Variants in FSTL5 observed in about 807,000 individuals in gnomAD.
FSTL5 encodes follistatin-related protein 5.
Under a neutral mutation model 89.1 loss-of-function variants are expected in FSTL5, and 62 were observed. The ratio of observed to expected loss-of-function variants is 0.70; its 90% CI spans 0.57 to 0.86. The LOEUF is 0.86. Ranked by LOEUF, FSTL5 falls within the 40% of genes least tolerant of loss-of-function variation. FSTL5 has a pLI of 0.00. For missense variants in FSTL5, 1,057 were observed against 1,001.6 expected (o/e 1.06, Z -0.75); for synonymous variants, 383 against 346.2 (o/e 1.11, Z -1.18).
chr4:161,459,527 A>G (rs1281303976), intron 13 of FSTL5, among the ~76,000 whole-genome samples: 1 of 152,032 alleles, frequency 6.6e-6, no homozygotes, highest in Non-Finnish European at 1.5e-5. Context: ...ATCTTTCTAA[A>G]TTTTTTATCA....
At chr4:161,522,391 G>A (rs1384635599) in intron 10 of FSTL5, among the ~76,000 whole-genome samples, 5 of 152,016 alleles carry the variant, frequency 3.3e-5, no homozygotes, top group African/African-American at 9.7e-5. Flanking sequence ...TTTAATTACT[G>A]CTCATTCTTG....
intron 7 of FSTL5, among the ~76,000 whole-genome samples, chr4:161,636,794 A>T (rs1340645598): frequency 2.1e-5 from 3 of 141,438 alleles, no homozygotes; most frequent in Non-Finnish European, 4.5e-5. Context: ...ACATGAACTC[A>T]TCATTTTTTA....
At chr4:161,855,808 C>T (rs868047130) in intron 4 of FSTL5, among the ~76,000 whole-genome samples, 30 of 152,192 alleles carry the variant, frequency 2.0e-4, no homozygotes, top group Middle Eastern at 3.4e-3. Flanking sequence ...AAATTAAATG[C>T]AATCCCAGTT....
intron 4 of FSTL5, among the ~76,000 whole-genome samples, chr4:161,882,499 T>C (rs1409301154): frequency 6.6e-6 from 1 of 152,120 alleles, no homozygotes; most frequent in Non-Finnish European, 1.5e-5. Context: ...TTCTTATCTG[T>C]TTGTTATTTT....
intron 15 of FSTL5, among the ~76,000 whole-genome samples, chr4:161,429,106 G>T (rs542177955): frequency 6.6e-6 from 1 of 152,174 alleles, no homozygotes; most frequent in Non-Finnish European, 1.5e-5. Flanking sequence ...GGGCAGTGGG[G>T]ACCACAAGGA....
intron 4 of FSTL5, among the ~76,000 whole-genome samples, chr4:161,791,834 G>C (rs1401038399): frequency 6.6e-6 from 1 of 152,218 alleles, no homozygotes; most frequent in East Asian, 1.9e-4. Flanking sequence ...TGATTGAAAA[G>C]ATCCTTTTGA....
chr4:161,896,541 T>A (rs1733164002), intron 4 of FSTL5, among the ~76,000 whole-genome samples: 1 of 152,300 alleles, frequency 6.6e-6, no homozygotes, highest in South Asian at 2.1e-4. Flanking sequence ...TCTTCAGTTT[T>A]GTTTTTATAT....
intron 7 of FSTL5, among the ~76,000 whole-genome samples, chr4:161,603,173 A>ACACATTGG (rs1413533688): frequency 6.6e-6 from 1 of 152,146 alleles, no homozygotes; most frequent in Non-Finnish European, 1.5e-5. Flanking sequence ...TTATACACAC[A>ACACATTGG]CACATTGGCG....
intron 3 of FSTL5, among the ~76,000 whole-genome samples, chr4:161,934,926 T>A (rs1323651968): frequency 6.6e-6 from 1 of 152,152 alleles, no homozygotes; most frequent in Non-Finnish European, 1.5e-5. Context: ...TTAATAATTA[T>A]TGAAACAATA....
rs570417059 is a variant in FSTL5, at chr4:161,600,612, C to T, written c.895-13037G>A. On this transcript the variant is annotated intron_variant, in intron 7 of 15. Coordinates refer to ENST00000306100, the MANE Select transcript of FSTL5 (RefSeq NM_020116.5). ...CCCAGTTTCTTGTTTCCTAAATCGA[C>T]TTGGATTGTACTTCTTAAAAATTAA... Among the ~76,000 whole-genome samples the T allele has an allele frequency of 3.9e-5, 6 of 152,028 alleles. 1 individual carries two copies. In the South Asian group the frequency reaches 1.2e-3, roughly 32 times the overall value.
intron 8 of FSTL5, among the ~76,000 whole-genome samples, chr4:161,575,733 G>A (rs548990405): frequency 3.5e-4 from 53 of 152,242 alleles, no homozygotes; most frequent in African/African-American, 9.9e-4. Context: ...ATTACAAGGC[G>A]TGAGCCACCG....
At chr4:161,442,147 G>GTTTTTTT (rs58107906) in intron 15 of FSTL5, among the ~76,000 whole-genome samples, 2 of 142,834 alleles carry the variant, frequency 1.4e-5, no homozygotes. Flanking sequence ...TCTATAAAAG[G>GTTTTTTT]TTTTTTTTTT....
chr4:161,717,189 TTTA>T (rs1739018009), intron 6 of FSTL5, among the ~76,000 whole-genome samples: 1 of 152,186 alleles, frequency 6.6e-6, no homozygotes, highest in East Asian at 1.9e-4. Context: ...AAACGGTCTT[TTTA>T]TTAAGGGAAA....
chr4:161,859,945 T>G lies in FSTL5; in HGVS notation c.409+60459A>C, dbSNP rs533430180. ...ATGTATTAAATGGAAAAGGACATGGTAGGCAGAAAACAACAATGTATGCAA... is the reference window on the plus strand; with the variant it reads ...ATGTATTAAATGGAAAAGGACATGGGAGGCAGAAAACAACAATGTATGCAA... On this transcript the variant is annotated intron_variant, in intron 4 of 15. Transcript: ENST00000306100. Among the ~76,000 whole-genome samples, 6 of 152,262 alleles carry G rather than the reference T, an allele frequency of 3.9e-5. No homozygotes were observed. In the East Asian group the frequency reaches 1.2e-3, roughly 29 times the overall value.
At chr4:161,551,566 T>C (rs1290323848) in intron 8 of FSTL5, among the ~76,000 whole-genome samples, 5 of 151,776 alleles carry the variant, frequency 3.3e-5, no homozygotes, top group African/African-American at 9.7e-5. Context: ...GGAGGCATCA[T>C]GATACCTGAC....
intron 12 of FSTL5, 95 bp downstream of exon 12, chr4:161,499,921 C>G (rs572780211): frequency 1.4e-6 from 1 of 710,502 alleles, no homozygotes; most frequent in African/African-American, 1.8e-5. Context: ...CAACACGAGT[C>G]TCATATATGT....
chr4:161,791,155 G>A (rs2126820175), intron 4 of FSTL5, among the ~76,000 whole-genome samples: 1 of 151,832 alleles, frequency 6.6e-6, no homozygotes, highest in East Asian at 1.9e-4. Flanking sequence ...AAGATGGCAA[G>A]CATTTGAGAA....
intron 1 of FSTL5, among the ~76,000 whole-genome samples, chr4:162,146,559 C>A (rs1489283596): frequency 6.6e-6 from 1 of 152,092 alleles, no homozygotes; most frequent in South Asian, 2.1e-4. Flanking sequence ...GTTAACATCT[C>A]ATGTTAGTAT....
intron 4 of FSTL5, among the ~76,000 whole-genome samples, chr4:161,867,346 C>T (rs1732126716): frequency 6.6e-6 from 1 of 151,852 alleles, no homozygotes; most frequent in Non-Finnish European, 1.5e-5. Flanking sequence ...ATCAGTATCT[C>T]AAATTACTAA....
Sources: allele counts gnomAD v4.1 joint callset (sites outside exome capture counted in the v4.1 genomes callset), GRCh38; gene constraint gnomAD v4.1.1; transcripts MANE v1.5; gene names NCBI Gene and HGNC (gene_info 2026-07-23, HGNC 2026-07-21).